CPEB4: variants seen among roughly 807,000 people sequenced by gnomAD.
The protein encoded by CPEB4 is cytoplasmic polyadenylation element binding protein 4, also known as cytoplasmic polyadenylation element-binding protein 4.
Under a neutral mutation model 72.5 loss-of-function variants are expected in CPEB4, and 12 were observed. That is an observed-to-expected ratio of 0.17 (90% CI 0.11 to 0.27). The LOEUF (loss-of-function observed/expected upper bound fraction) is 0.27. Ranked by LOEUF, CPEB4 falls within the 10% of genes least tolerant of loss-of-function variation. The pLI, the probability that CPEB4 is intolerant of heterozygous loss-of-function variation, is 1.00. For missense variants in CPEB4, 614 were observed against 908.5 expected (o/e 0.68, Z 4.17); for synonymous variants, 302 against 326.3 (o/e 0.93, Z 0.80).
Position 173,897,673 on chromosome 5 carries a change from A to G in CPEB4, c.1125+6815A>G, listed in dbSNP as rs1581108511. On this transcript the variant is annotated intron_variant, in intron 1 of 9. Coordinates refer to ENST00000265085, the MANE Select transcript of CPEB4 (RefSeq NM_030627.4). The stretch of plus-strand genomic sequence containing the variant: ...TAATCATTAAGGCAAACTAACATTC[A>G]ATTTTAGCTATAACAAAAAATTGTA... Among the ~76,000 whole-genome samples, 3 of 152,336 alleles carry G rather than the reference A, an allele frequency of 2.0e-5. No individual in the cohort carries two copies. The South Asian group carries it at 6.2e-4, about 32-fold the overall frequency.
At chr5:173,926,145 G>A (rs1027335975) in intron 2 of CPEB4, among the ~76,000 whole-genome samples, 5 of 152,124 alleles carry the variant, frequency 3.3e-5, no homozygotes, top group African/African-American at 1.2e-4. Context: ...ACTTTTTGGT[G>A]TTTGTGTGTT....
At chr5:173,909,868 C>T (rs186207900) in intron 1 of CPEB4, among the ~76,000 whole-genome samples, 7 of 151,746 alleles carry the variant, frequency 4.6e-5, no homozygotes, top group East Asian at 1.9e-4. Context: ...GGTTTGGTGG[C>T]GGGTGCCTGT....
chr5:173,959,772 T>C lies in CPEB4; in HGVS notation c.*3635T>C, dbSNP rs991827919. On this transcript the variant is annotated 3_prime_UTR_variant, in exon 10 of 10. Coordinates refer to ENST00000265085, the MANE Select transcript of CPEB4 (RefSeq NM_030627.4). Reference sequence around the variant, plus strand: ...TTTTATTATTTTAAAGCTACTGTGATTGATAGCATTGTAAGAATCGGGACA... The same window carrying C: ...TTTTATTATTTTAAAGCTACTGTGACTGATAGCATTGTAAGAATCGGGACA... The C allele has an allele frequency of 2.0e-5, 3 of 152,446 alleles. No homozygotes were observed. Among genetic ancestry groups the C allele is most frequent in the Non-Finnish European group, 4.4e-5 (3 of 67,992 alleles). The allele number at this position is 152,446 out of a possible 1,614,324, so 9.4% of individuals were successfully genotyped here. A position where few individuals can be genotyped will look rare whatever the true frequency, so the allele number is the denominator to read the frequency against.
At chr5:173,925,566 A>G (rs934643066) in intron 2 of CPEB4, among the ~76,000 whole-genome samples, 6 of 152,206 alleles carry the variant, frequency 3.9e-5, no homozygotes, top group South Asian at 2.1e-4. Context: ...TCATATTGCT[A>G]TGTCTTCTGC....
In CPEB4 at chr5:173,890,632, G is replaced by T. The variant is rs199767523; in HGVS notation, c.899G>T (p.Ser300Ile). The change falls in exon 1 of 10, where the codon AGC (serine) becomes ATC (isoleucine). Residue 300 changes from serine to isoleucine, a missense_variant. Transcript: ENST00000265085. The stretch of plus-strand genomic sequence containing the variant: ...TCACCAACACCCTCCTCTTCCTGGA[G>T]CCCGGGCGGTGGTGGATATGGTGGC... ...SPSPTPSSSWSPGGGGYGGWG... is the reference protein window; with the variant it reads ...SPSPTPSSSWIPGGGGYGGWG... 3.1e-6 allele frequency: 5 copies of T among 1,613,998 alleles called. No homozygotes were observed. The highest frequency in any genetic ancestry group is 2.5e-6 in the Non-Finnish European group (3 of 1,179,930).
intron 1 of CPEB4, among the ~76,000 whole-genome samples, chr5:173,895,555 G>C (rs1755975842): frequency 6.6e-6 from 1 of 152,294 alleles, no homozygotes; most frequent in East Asian, 1.9e-4. Flanking sequence ...TAAAAGTCAT[G>C]GTGGATTATT....
At chr5:173,954,630 C>T (rs1406009350) in intron 9 of CPEB4, among the ~76,000 whole-genome samples, 1 of 152,190 alleles carries the variant, frequency 6.6e-6, no homozygotes, top group Admixed American at 6.5e-5. Context: ...GCCTCACCCC[C>T]TCAAAGTGCT....
rs1755751526 is a variant in CPEB4, at chr5:173,890,113, G to A, written c.380G>A (p.Gly127Asp). The A allele has an allele frequency of 1.9e-6, 3 of 1,614,036 alleles. No homozygotes were observed. The highest frequency in any genetic ancestry group is 1.3e-5 in the African/African-American group (1 of 74,926). ...CAAGGGGACAATTCTTCGGAAAATG[G>A]CAATGGGAAGGAGAAAATAAGGATC... is the stretch of plus-strand genomic sequence containing the variant. The part of the protein sequence containing the change: ...ENQGDNSSEN[G>D]NGKEKIRIES... The change falls in exon 1 of 10, where the codon GGC becomes GAC. Residue 127 changes from glycine to aspartate, a missense_variant. Transcript: ENST00000265085.
chr5:173,930,346 G>A (rs1012461370), intron 2 of CPEB4, among the ~76,000 whole-genome samples: 5 of 152,120 alleles, frequency 3.3e-5, no homozygotes, highest in Non-Finnish European at 5.9e-5. Context: ...ATGAGCCACC[G>A]CACTTGGCCC....
At chr5:173,897,477 TTA>T (rs1756059918) in intron 1 of CPEB4, among the ~76,000 whole-genome samples, 1 of 152,192 alleles carries the variant, frequency 6.6e-6, no homozygotes, top group Non-Finnish European at 1.5e-5. Flanking sequence ...ACCTACTATG[TTA>T]TGGACTAAGC....
intron 3 of CPEB4, among the ~76,000 whole-genome samples, chr5:173,933,661 C>T (rs1757521418): frequency 6.6e-6 from 1 of 152,148 alleles, no homozygotes; most frequent in Non-Finnish European, 1.5e-5. Flanking sequence ...TATATACATG[C>T]AGAAGAGTTT....
chr5:173,920,929 A>G (rs1757050357), intron 2 of CPEB4, among the ~76,000 whole-genome samples: 1 of 152,154 alleles, frequency 6.6e-6, no homozygotes, highest in Admixed American at 6.5e-5. Context: ...GCCTAAAAAT[A>G]TTATGTTTAG....
intron 2 of CPEB4, among the ~76,000 whole-genome samples, chr5:173,915,244 T>C (rs1357332871): frequency 2.0e-5 from 3 of 151,940 alleles, no homozygotes; most frequent in East Asian, 3.8e-4. Flanking sequence ...GAAAACTTAT[T>C]TTTTTTTAAA....
At position 173,950,628 on chromosome 5, in the gene CPEB4, TAAAA is replaced by T. The variant is rs1758183971; in HGVS notation, c.1665+551_1665+554del. Among the ~76,000 whole-genome samples the T allele has an allele frequency of 6.7e-6, 1 of 150,346 alleles. No homozygotes were observed. The highest frequency in any genetic ancestry group is 2.4e-5 in the African/African-American group (1 of 41,174). On this transcript the variant is annotated intron_variant, in intron 7 of 9. Transcript: ENST00000265085. This position sits in a 1 kb window ranked among gnomAD's most constrained non-coding sequence, Gnocchi z 5.0. ...CAAAATAAAATAAAATAAAATAAAA[TAAAA>T]TAAAAAACCAGACTTCATTTGATAA...
intron 2 of CPEB4, among the ~76,000 whole-genome samples, chr5:173,928,642 T>G (rs1757332648): frequency 6.6e-6 from 1 of 152,106 alleles, no homozygotes; most frequent in Admixed American, 6.5e-5. Context: ...AGCCATGGAA[T>G]AGAAAAGCTA....
At chr5:173,910,060 A>G (rs991790093) in intron 1 of CPEB4, among the ~76,000 whole-genome samples, 2 of 151,824 alleles carry the variant, frequency 1.3e-5, no homozygotes, top group Non-Finnish European at 2.9e-5. Flanking sequence ...ATAGTCTTAC[A>G]ATCATTCGAT....
chr5:173,937,681 TTGAG>T (rs1402743298), intron 3 of CPEB4, among the ~76,000 whole-genome samples: 2 of 152,264 alleles, frequency 1.3e-5, no homozygotes, highest in East Asian at 1.9e-4. Flanking sequence ...AGATTATTTA[TTGAG>T]TATGTGACTG....
At chr5:173,949,444 A>C in intron 5 of CPEB4, 64 bp from the exon 6 acceptor site, 1 of 1,231,868 alleles carries the variant, frequency 8.1e-7, no homozygotes, top group Admixed American at 2.0e-5. Context: ...AACTTAAAAG[A>C]AAAACTTTCA....
At chr5:173,912,810 C>A (rs906497104) in intron 2 of CPEB4, among the ~76,000 whole-genome samples, 28 of 150,264 alleles carry the variant, frequency 1.9e-4, no homozygotes, top group African/African-American at 6.8e-4. Flanking sequence ...GGCATAGCAA[C>A]CCACACCTAT....
Sources: allele counts gnomAD v4.1 joint callset (sites outside exome capture counted in the v4.1 genomes callset), GRCh38; gene constraint gnomAD v4.1.1; non-coding constraint Gnocchi (gnomAD v3.1); transcripts MANE v1.5; gene names NCBI Gene and HGNC (gene_info 2026-07-23, HGNC 2026-07-21).